LETM2: variants seen among roughly 807,000 people sequenced by gnomAD.
LETM2 encodes leucine zipper and EF-hand containing transmembrane protein 2.
A neutral mutation model predicts 59.6 loss-of-function variants in LETM2; 58 were observed. The observed-to-expected ratio is 0.97, with a 90% CI of 0.79 to 1.21. The LOEUF (loss-of-function observed/expected upper bound fraction) is 1.21, where lower values mean the gene tolerates loss of function less well. LETM2 is among the 50% of genes most tolerant of loss of function. The pLI is 0.00. For missense variants in LETM2, 572 were observed against 575.7 expected (o/e 0.99, Z 0.07); for synonymous variants, 199 against 214.1 (o/e 0.93, Z 0.62).
At chr8:38,387,371 G>A (rs2150406960) in intron 1 of LETM2, 1 of 152,360 alleles carries the variant, frequency 6.6e-6, no homozygotes. Flanking sequence ...GGGTTTTGGT[G>A]AAGGTTATTT....
intron 10 of LETM2, chr8:38,407,917 G>C: frequency 2.4e-6 from 1 of 409,654 alleles, no homozygotes; most frequent in Non-Finnish European, 4.5e-6. Flanking sequence ...AGAGTAAACA[G>C]TGGGGAGGTT....
intron 10 of LETM2, 26 bp downstream of exon 10, chr8:38,407,489 G>C (rs551246187): frequency 7.0e-7 from 1 of 1,429,490 alleles, no homozygotes; most frequent in South Asian, 1.1e-5. Context: ...AAATGAAAAA[G>C]AAAGAGAAGA....
chr8:38,386,023 G>A (rs1811760969), upstream of LETM2, among the ~76,000 whole-genome samples: 2 of 152,220 alleles, frequency 1.3e-5, no homozygotes, highest in South Asian at 2.1e-4. Flanking sequence ...GGAAGGGAGA[G>A]GAATGCGCTC....
At chr8:38,394,845 CAAAAA>C (rs34403974) in intron 4 of LETM2, among the ~76,000 whole-genome samples, 2 of 84,506 alleles carry the variant, frequency 2.4e-5, no homozygotes, top group Non-Finnish European at 2.3e-5. Context: ...GACCCTGTCT[CAAAAA>C]AAAAAAAAAA....
Position 38,407,442 on chromosome 8 carries a change from C to T in LETM2, c.1392C>T (p.Pro464=). ...PSTPISLPKG[P]ITSSEEPTLQ... is the part of the protein sequence containing the mutation. ...CACCTATTTCATTACCTAAAGGACC[C>T]ATCACTTCTTCTGAAGAACCTGTAA... The change falls in exon 10 of 11, where the codon CCC becomes CCT. Residue 464 remains proline (P), a synonymous_variant. Transcript: ENST00000379957. 2 of 1,606,844 alleles carry T rather than the reference C, an allele frequency of 1.2e-6. No individual in the cohort carries two copies. Among genetic ancestry groups the T allele is most frequent in the Non-Finnish European group, 1.7e-6 (2 of 1,173,548 alleles).
In LETM2 at chr8:38,392,592, GT is replaced by G; in HGVS notation, c.99del (p.Cys33TrpfsTer11). On this transcript the variant is annotated frameshift_variant, in exon 3 of 11. Transcript: ENST00000379957. LOFTEE classifies it high-confidence loss of function. ...ACCTGCTCTTCTTATTCCCCATCATGTGCATTTCTTCACTTGCCAGATTCCC... is the reference window on the plus strand; with the variant it reads ...ACCTGCTCTTCTTATTCCCCATCATGGCATTTCTTCACTTGCCAGATTCCC... The part of the protein sequence containing the change: ...HPTCSSYSPS[C>X]AFLHLPDSHL... 1 of 1,613,276 alleles carries G rather than the reference GT, an allele frequency of 6.2e-7. No homozygotes were observed. Among genetic ancestry groups the G allele is most frequent in the Non-Finnish European group, 8.5e-7 (1 of 1,179,930 alleles).
chr8:38,404,569 T>C (rs769551544), intron 8 of LETM2, 63 bp downstream of exon 8: 2 of 990,876 alleles, frequency 2.0e-6, no homozygotes, highest in East Asian at 2.4e-5. Flanking sequence ...CCACAAACAC[T>C]TGGTGTACTC....
rs778802724 is a variant in LETM2, at chr8:38,400,984, AT to A, written c.918del (p.Phe306LeufsTer12). On this transcript the variant is annotated frameshift_variant, in exon 6 of 11. Transcript: ENST00000379957. LOFTEE classifies it high-confidence loss of function. ...ALCKLLELQT[F>X]GTNNLLRFQL... Reference sequence around the variant, plus strand: ...TTTGCAAACTGCTGGAATTGCAGACATTTGGAACCAACAACCTGCTCCGCTT... The same window carrying A: ...TTTGCAAACTGCTGGAATTGCAGACATTGGAACCAACAACCTGCTCCGCTT... 1.2e-6 allele frequency: 2 copies of A among 1,614,186 alleles called. No individual in the cohort carries two copies. The highest frequency in any genetic ancestry group is 4.5e-5 in the East Asian group (2 of 44,892).
At chr8:38,382,889 C>T (rs1407873421), upstream of LETM2, 1 of 152,246 alleles carries the variant, frequency 6.6e-6, no homozygotes, top group Non-Finnish European at 1.5e-5. The surrounding 1 kb of genome is among the most constrained non-coding windows in gnomAD (Gnocchi z 4.2). Flanking sequence ...GGATGGTCCC[C>T]CTCCCCCGGT....
chr8:38,384,508 C>G (rs1811694407), upstream of LETM2, among the ~76,000 whole-genome samples: 1 of 152,146 alleles, frequency 6.6e-6, no homozygotes. Context: ...ACAAGGAGCT[C>G]ATTAAGACAG....
chr8:38,393,034 TA>T, intron 3 of LETM2, 39 bp downstream of exon 3: 1 of 1,484,088 alleles, frequency 6.7e-7, no homozygotes, highest in African/African-American at 1.4e-5. Context: ...AATGTGAAAT[TA>T]AAATGAACTA....
intron 4 of LETM2, 35 bp from the exon 5 acceptor site, chr8:38,400,237 A>C (rs1204650511): frequency 1.3e-6 from 2 of 1,557,298 alleles, no homozygotes; most frequent in African/African-American, 2.7e-5. Flanking sequence ...TACAATCACG[A>C]AGGATTGAGT....
chr8:38,394,056 G>C, intron 3 of LETM2, 42 bp from the exon 4 acceptor site: 1 of 1,352,928 alleles, frequency 7.4e-7, no homozygotes, highest in Non-Finnish European at 9.5e-7. Context: ...TTTTTGGCAT[G>C]CCCTAAAATA....
At chr8:38,405,204 T>C (rs985468255) in intron 8 of LETM2, among the ~76,000 whole-genome samples, 3 of 152,214 alleles carry the variant, frequency 2.0e-5, no homozygotes, top group African/African-American at 2.4e-5. Context: ...AGATTCCTAT[T>C]AGTCTTTAAG....
chr8:38,403,527 AT>A (rs1285830536), intron 7 of LETM2, among the ~76,000 whole-genome samples: 6 of 152,188 alleles, frequency 3.9e-5, no homozygotes, highest in Non-Finnish European at 8.8e-5. Context: ...CATGTTTAAT[AT>A]TTTTCCTCAG....
chr8:38,392,969 G>A lies in LETM2; in HGVS notation c.475G>A (p.Val159Ile). ...GGTTTGGAGGCTGTTGCATGGACAG[G>A]TCCTGACCAGACGAGAGAGACGAAG... ...RMVWRLLHGQ[V>I]LTRRERRRLL... The change falls in exon 3 of 11, where the codon GTC (valine) becomes ATC (isoleucine). Residue 159 changes from valine to isoleucine, a missense_variant. Physicochemically the swap from Val to Ile is conservative, Grantham distance 29. Coordinates refer to ENST00000379957, the MANE Select transcript of LETM2 (RefSeq NM_001286819.2). The A allele has an allele frequency of 6.2e-7, 1 of 1,607,926 alleles. No homozygotes were observed.
chr8:38,402,567 C>T lies in LETM2; in HGVS notation c.1027C>T (p.Leu343=), dbSNP rs1470363479. ...EGVTALSVSE[L]QAACRARGMR... ...GGTGACAGCATTGAGTGTATCAGAA[C>T]TACAGGCTGCCTGTAGGGCCCGAGG... Residue 343 remains leucine (L), a synonymous_variant, in exon 7 of 11, where the codon CTA becomes TTA. Coordinates refer to ENST00000379957, the MANE Select transcript of LETM2 (RefSeq NM_001286819.2). 2 of 1,613,938 alleles carry T rather than the reference C, an allele frequency of 1.2e-6. No individual in the cohort carries two copies. The highest frequency in any genetic ancestry group is 2.2e-5 in the South Asian group (2 of 91,084).
chr8:38,404,118 T>C (rs754981809), intron 7 of LETM2, among the ~76,000 whole-genome samples: 7 of 152,226 alleles, frequency 4.6e-5, no homozygotes, highest in Non-Finnish European at 8.8e-5. Context: ...CAGAAGATAC[T>C]TGACTACTTT....
At chr8:38,393,881 CA>C in intron 3 of LETM2, 1 of 394,286 alleles carries the variant, frequency 2.5e-6, no homozygotes, top group Non-Finnish European at 4.5e-6. Context: ...CCAAGCTGAG[CA>C]TGGCACATAT....
Sources: allele counts gnomAD v4.1 joint callset (sites outside exome capture counted in the v4.1 genomes callset), GRCh38; gene constraint gnomAD v4.1.1; non-coding constraint Gnocchi (gnomAD v3.1); transcripts MANE v1.5; gene names NCBI Gene and HGNC (gene_info 2026-07-23, HGNC 2026-07-21).